DLG2: variants seen among roughly 807,000 people sequenced by gnomAD.
The protein encoded by DLG2 is disks large homolog 2.
A neutral mutation model predicts 132.5 loss-of-function variants in DLG2; 45 were observed. That is an observed-to-expected ratio of 0.34 (90% CI 0.27 to 0.44). The LOEUF (loss-of-function observed/expected upper bound fraction) is 0.44. Among genes scored for constraint, DLG2 ranks in the 20% least tolerant of loss-of-function variants. DLG2 has a pLI of 1.00. For synonymous variants in DLG2, 424 were observed against 419.6 expected (o/e 1.01, Z -0.13); for missense variants, 1,045 against 1,196.9 (o/e 0.87, Z 1.87).
At chr11:85,182,345 C>A (rs550051777) in intron 4 of DLG2, among the ~76,000 whole-genome samples, 1 of 151,908 alleles carries the variant, frequency 6.6e-6, no homozygotes, top group African/African-American at 2.4e-5. Context: ...TCTTCACAAT[C>A]TAAACATGTT....
chr11:84,209,191 T>C (rs1307004409), intron 8 of DLG2, among the ~76,000 whole-genome samples: 1 of 152,210 alleles, frequency 6.6e-6, no homozygotes, highest in Non-Finnish European at 1.5e-5. Flanking sequence ...ACCTCTGTGA[T>C]ATTCTTTTTA....
At chr11:83,950,125 C>T (rs7934379) in intron 14 of DLG2, among the ~76,000 whole-genome samples, 11,262 of 152,202 alleles carry the variant, frequency 0.074, 1,053 homozygotes, top group African/African-American at 0.22. Flanking sequence ...TTATAGCTGC[C>T]TCCTGGAATT....
intron 9 of DLG2, among the ~76,000 whole-genome samples, chr11:84,146,468 C>T (rs1234703320): frequency 1.3e-5 from 2 of 151,972 alleles, no homozygotes; most frequent in African/African-American, 4.8e-5. Flanking sequence ...TAAATATATA[C>T]ACCTACTATG....
At chr11:84,233,601 G>T (rs1336466312) in intron 8 of DLG2, among the ~76,000 whole-genome samples, 2 of 152,110 alleles carry the variant, frequency 1.3e-5, no homozygotes, top group African/African-American at 4.8e-5. Flanking sequence ...AAAGATTAGG[G>T]TGGGGCCTAC....
At chr11:85,462,669 G>C (rs937461332) in intron 3 of DLG2, among the ~76,000 whole-genome samples, 1 of 152,002 alleles carries the variant, frequency 6.6e-6, no homozygotes, top group African/African-American at 2.4e-5. Flanking sequence ...GGGGAGCGGG[G>C]AGGGATAGCA....
chr11:83,910,370 G>C (rs1360953205), intron 15 of DLG2, among the ~76,000 whole-genome samples: 1 of 152,076 alleles, frequency 6.6e-6, no homozygotes, highest in Non-Finnish European at 1.5e-5. Flanking sequence ...GTCAGTCAGT[G>C]TTTTCATTAA....
intron 6 of DLG2, among the ~76,000 whole-genome samples, chr11:84,675,233 C>A (rs11826619): frequency 6.6e-6 from 1 of 151,970 alleles, no homozygotes; most frequent in East Asian, 1.9e-4. Flanking sequence ...ATGGGTTCCA[C>A]TGCTTTAACA....
chr11:84,021,777 G>A (rs2095402964), intron 11 of DLG2, among the ~76,000 whole-genome samples: 1 of 143,124 alleles, frequency 7.0e-6, no homozygotes, highest in Admixed American at 7.0e-5. Flanking sequence ...TTTTTTTTGA[G>A]ATGGAGTTTC....
At chr11:83,611,612 C>T (rs1048823502) in intron 19 of DLG2, among the ~76,000 whole-genome samples, 1 of 152,184 alleles carries the variant, frequency 6.6e-6, no homozygotes, top group Non-Finnish European at 1.5e-5. Context: ...TCAATAACAG[C>T]ACATCTTTTT....
intron 21 of DLG2, among the ~76,000 whole-genome samples, chr11:83,503,097 A>T (rs182941893): frequency 1.3e-5 from 2 of 151,968 alleles, no homozygotes. Context: ...TACTAAGGCA[A>T]TGTGACAGTG....
chr11:84,408,671 A>T (rs1258150230), intron 7 of DLG2, among the ~76,000 whole-genome samples: 2 of 152,240 alleles, frequency 1.3e-5, no homozygotes, highest in Non-Finnish European at 2.9e-5. Flanking sequence ...CAAGAGCTTC[A>T]TGGAAGCAAG....
chr11:84,088,328 A>G (rs1019296980), intron 10 of DLG2, among the ~76,000 whole-genome samples: 3 of 151,852 alleles, frequency 2.0e-5, no homozygotes, highest in Non-Finnish European at 4.4e-5. Context: ...AGCCAATTAC[A>G]TTCTTATGCA....
intron 17 of DLG2, among the ~76,000 whole-genome samples, chr11:83,822,711 G>A (rs1293305227): frequency 1.3e-5 from 2 of 152,202 alleles, no homozygotes; most frequent in African/African-American, 4.8e-5. Context: ...CTTGGCCTCT[G>A]AGCCTGGTTC....
chr11:84,138,182 T>A (rs1171927176), intron 9 of DLG2, among the ~76,000 whole-genome samples: 1 of 152,188 alleles, frequency 6.6e-6, no homozygotes, highest in African/African-American at 2.4e-5. Flanking sequence ...CACCACAGTA[T>A]GCAAAATAGA....
chr11:84,111,196 C>T (rs1194930185), intron 9 of DLG2, among the ~76,000 whole-genome samples: 1 of 152,210 alleles, frequency 6.6e-6, no homozygotes, highest in Non-Finnish European at 1.5e-5. Flanking sequence ...ATGAACAGAA[C>T]TGAATAAATC....
intron 7 of DLG2, among the ~76,000 whole-genome samples, chr11:84,364,612 G>A (rs2098670788): frequency 6.6e-6 from 1 of 152,118 alleles, no homozygotes; most frequent in South Asian, 2.1e-4. Context: ...AATGCTTCCA[G>A]TTTTTGCCCA....
chr11:84,166,462 ACTGTGCTCCAGC>A (rs1361332170), intron 8 of DLG2, among the ~76,000 whole-genome samples: 1 of 139,680 alleles, frequency 7.2e-6, no homozygotes, highest in Middle Eastern at 3.8e-3. Context: ...AGATAGTGCC[ACTGTGCTCCAGC>A]CTGGTGACAG....
At chr11:83,725,912 C>G (rs1055318954) in intron 18 of DLG2, among the ~76,000 whole-genome samples, 1 of 152,156 alleles carries the variant, frequency 6.6e-6, no homozygotes, top group African/African-American at 2.4e-5. Flanking sequence ...TTTCCCAGCA[C>G]GGTCTACTGC....
At chr11:85,295,386 A>G (rs1422622337) in intron 3 of DLG2, among the ~76,000 whole-genome samples, 1 of 152,260 alleles carries the variant, frequency 6.6e-6, no homozygotes, top group South Asian at 2.1e-4. Context: ...AGAAATTAGC[A>G]TTTGCCATTT....
Sources: gnomAD v4.1 joint callset for allele counts (sites outside exome capture counted in the v4.1 genomes callset) on GRCh38, gnomAD v4.1.1 for gene constraint, MANE v1.5 for transcripts, NCBI Gene and HGNC (gene_info 2026-07-23, HGNC 2026-07-21) for gene names.